MROH9: variants seen among roughly 807,000 people sequenced by gnomAD.
MROH9 encodes the protein maestro heat-like repeat-containing protein family member 9.
Under a neutral mutation model 98.2 loss-of-function variants are expected in MROH9, and 92 were observed. That is an observed-to-expected ratio of 0.94 (90% CI 0.79 to 1.11). MROH9 has a LOEUF of 1.11. MROH9 is among the 50% of genes most tolerant of loss of function. The pLI, the probability that MROH9 is intolerant of heterozygous loss-of-function variation, is 0.00. For synonymous variants in MROH9, 397 were observed against 368.9 expected, an observed-to-expected ratio of 1.08 and a Z score of -0.87; for missense variants, 1,057 against 1,014.8, an observed-to-expected ratio of 1.04 and a Z score of -0.57.
At chr1:171,002,129 G>A (rs561106951) in intron 15 of MROH9, among the ~76,000 whole-genome samples, 18 of 152,220 alleles carry the variant, frequency 1.2e-4, no homozygotes, top group African/African-American at 3.9e-4. Context: ...GTTTATGTGA[G>A]TCCTTATGTG....
At chr1:171,033,514 G>A (rs1304765709) in intron 20 of MROH9, among the ~76,000 whole-genome samples, 2 of 152,110 alleles carry the variant, frequency 1.3e-5, no homozygotes, top group Non-Finnish European at 2.9e-5. Context: ...GGGCTTCCCT[G>A]CCCCGTGTGG....
At chr1:170,949,473 T>C (rs1649465021) in intron 3 of MROH9, among the ~76,000 whole-genome samples, 1 of 152,076 alleles carries the variant, frequency 6.6e-6, no homozygotes, top group African/African-American at 2.4e-5. Flanking sequence ...GGTGACTTAC[T>C]TAATCAGGAG....
At chr1:170,956,568 T>G (rs1649764332) in intron 3 of MROH9, among the ~76,000 whole-genome samples, 1 of 150,504 alleles carries the variant, frequency 6.6e-6, no homozygotes. Context: ...GTTGTTGGTT[T>G]GTTTTTCTCT....
In MROH9 at chr1:170,983,498, C is replaced by G. The variant is rs1373970969; in HGVS notation, c.693C>G (p.Pro231=). Residue 231 remains proline, a synonymous_variant, in exon 9 of 22, where the codon CCC becomes CCG. Coordinates refer to ENST00000367759, the MANE Select transcript of MROH9 (RefSeq NM_001163629.2). ...QFPSSDVEFL[P]KEFQQDESKI... is the part of the protein sequence containing the mutation. ...CTTCTTCTGATGTAGAATTTCTACCCAAGGAGTTTCAACAAGACGAAAGTA... is the reference window on the plus strand; with the variant it reads ...CTTCTTCTGATGTAGAATTTCTACCGAAGGAGTTTCAACAAGACGAAAGTA... 2 of 1,612,734 alleles carry G rather than the reference C, an allele frequency of 1.2e-6. No individual in the cohort carries two copies. Among genetic ancestry groups the G allele is most frequent in the East Asian group, 4.5e-5 (2 of 44,766 alleles).
At chr1:170,994,419 T>C (rs1651477224) in intron 12 of MROH9, among the ~76,000 whole-genome samples, 1 of 152,220 alleles carries the variant, frequency 6.6e-6, no homozygotes, top group Admixed American at 6.5e-5. Context: ...TATGAAGTTT[T>C]CTGTCATGTG....
intron 3 of MROH9, among the ~76,000 whole-genome samples, chr1:170,957,016 C>CTCTT (rs1553210493): frequency 9.5e-4 from 132 of 139,228 alleles, no homozygotes; most frequent in Non-Finnish European, 1.5e-3. Flanking sequence ...GGATTATCTG[C>CTCTT]TTTTTTTTTT....
At chr1:170,955,260 A>G (rs1436743487) in intron 3 of MROH9, among the ~76,000 whole-genome samples, 6 of 152,176 alleles carry the variant, frequency 3.9e-5, no homozygotes, top group Non-Finnish European at 8.8e-5. Context: ...GCAATTGTGA[A>G]TCATGCTGCT....
At chr1:171,025,498 CA>C (rs1652678294) in intron 20 of MROH9, 78 bp downstream of exon 20, 4 of 974,612 alleles carry the variant, frequency 4.1e-6, no homozygotes, top group African/African-American at 1.6e-5. Context: ...GTCTTTCTTA[CA>C]TTTTTTTTAA....
intron 20 of MROH9, among the ~76,000 whole-genome samples, chr1:171,028,702 T>C (rs995117240): frequency 3.3e-5 from 5 of 152,206 alleles, no homozygotes; most frequent in African/African-American, 4.8e-5. Context: ...TCTGATTTCT[T>C]TGAGCAGTGG....
rs1920139 is a variant in MROH9, at chr1:171,063,791, C to T, written c.2345-308C>T. Among the ~76,000 whole-genome samples the T allele has an allele frequency of 8.9e-3, 1,359 of 152,248 alleles. 24 individuals carry two copies. Among genetic ancestry groups the T allele is most frequent in the African/African-American group, 0.031 (1,285 of 41,526 alleles). On this transcript the variant is annotated intron_variant, in intron 21 of 21. Coordinates refer to ENST00000367759, the MANE Select transcript of MROH9 (RefSeq NM_001163629.2). ...TTTTCATTATTATGACCAATATGAACCTCTTCCTAAATATATGAATACATG... is the reference window on the plus strand; with the variant it reads ...TTTTCATTATTATGACCAATATGAATCTCTTCCTAAATATATGAATACATG...
chr1:170,974,006 G>A lies in MROH9; in HGVS notation c.616+2123G>A, dbSNP rs575258511. 9.2e-5 allele frequency among the ~76,000 whole-genome samples: 14 copies of A among 152,232 alleles called. 1 individual carries two copies. The highest frequency in any genetic ancestry group is 3.1e-4 in the African/African-American group (13 of 41,560). On this transcript the variant is annotated intron_variant, in intron 8 of 21. Coordinates refer to ENST00000367759, the MANE Select transcript of MROH9 (RefSeq NM_001163629.2). ...AAAGACTTATATTGAACCTCTGGAG[G>A]TAAAAATTACAATATCTGAGAAGAA... is the stretch of plus-strand genomic sequence containing the variant.
At chr1:170,982,025 T>C (rs1347945019) in intron 8 of MROH9, among the ~76,000 whole-genome samples, 1 of 152,162 alleles carries the variant, frequency 6.6e-6, no homozygotes, top group Non-Finnish European at 1.5e-5. Flanking sequence ...TGGAAAGTAA[T>C]TTGGCACTAT....
chr1:170,952,669 C>A (rs943359682), intron 3 of MROH9, among the ~76,000 whole-genome samples: 7 of 151,692 alleles, frequency 4.6e-5, no homozygotes, highest in African/African-American at 1.7e-4. Flanking sequence ...TTAATGGGTG[C>A]AGCACACCAA....
Position 171,034,523 on chromosome 1 carries a change from A to C in MROH9, c.2281+9103A>C, listed in dbSNP as rs1308452089. The stretch of plus-strand genomic sequence containing the variant: ...TGCTTCCTGATGGGTACAACACTTA[A>C]TGTCCATTAATGCATTTAATGAGCA... On this transcript the variant is annotated intron_variant, in intron 20 of 21. Transcript: ENST00000367759. 2.0e-5 allele frequency among the ~76,000 whole-genome samples: 3 copies of C among 152,172 alleles called. No individual in the cohort carries two copies. In the South Asian group the frequency reaches 6.2e-4, roughly 32 times the overall value.
chr1:171,033,652 G>GT (rs923903017), intron 20 of MROH9, among the ~76,000 whole-genome samples: 4 of 152,160 alleles, frequency 2.6e-5, no homozygotes, highest in Admixed American at 6.5e-5. Flanking sequence ...TGCTTATTAT[G>GT]TTTTTGTTTG....
intron 15 of MROH9, among the ~76,000 whole-genome samples, chr1:171,013,198 A>G (rs1025032307): frequency 6.6e-6 from 1 of 152,236 alleles, no homozygotes; most frequent in African/African-American, 2.4e-5. Context: ...TGTAAATTCA[A>G]TAGTCCCATA....
chr1:171,016,140 C>A (rs764071674), intron 16 of MROH9, 23 bp from the exon 17 acceptor site: 60 of 1,405,270 alleles, frequency 4.3e-5, no homozygotes, highest in Non-Finnish European at 4.2e-5. Context: ...CTAAATCCCA[C>A]CATTTTTTCC....
At chr1:170,973,205 C>G (rs995525899) in intron 8 of MROH9, among the ~76,000 whole-genome samples, 3 of 152,020 alleles carry the variant, frequency 2.0e-5, no homozygotes, top group Non-Finnish European at 4.4e-5. Context: ...TAGCTGAGTA[C>G]TAATGAGAAC....
intron 20 of MROH9, among the ~76,000 whole-genome samples, chr1:171,061,127 TATTA>T (rs1032695067): frequency 3.9e-5 from 6 of 152,194 alleles, no homozygotes; most frequent in South Asian, 2.1e-4. Flanking sequence ...CACATGATCT[TATTA>T]ATTAACAACA....
Sources: allele counts gnomAD v4.1 joint callset (sites outside exome capture counted in the v4.1 genomes callset), GRCh38; gene constraint gnomAD v4.1.1; transcripts MANE v1.5; gene names NCBI Gene and HGNC (gene_info 2026-07-23, HGNC 2026-07-21).